HNRNPL: variants seen among roughly 807,000 people sequenced by gnomAD.
The protein encoded by HNRNPL is heterogeneous nuclear ribonucleoprotein L, also known as epididymis secretory sperm binding protein.
HNRNPL carries 12 observed loss-of-function variants against 64.0 expected under a neutral mutation model. That is an observed-to-expected ratio of 0.19 (90% CI 0.12 to 0.30). The LOEUF is 0.30. Ranked by LOEUF, HNRNPL falls within the 10% of genes least tolerant of loss-of-function variation. HNRNPL has a pLI of 1.00. For missense variants in HNRNPL, 484 were observed against 797.4 expected (o/e 0.61, Z 4.73); for synonymous variants, 385 against 313.0 (o/e 1.23, Z -2.43).
At chr19:38,843,252 C>T (rs1459185164) in intron 6 of HNRNPL, 1 of 153,718 alleles carries the variant, frequency 6.5e-6, no homozygotes, top group Non-Finnish European at 1.4e-5. Flanking sequence ...GCAAACCATT[C>T]TTGACAGACA....
intron 4 of HNRNPL, among the ~76,000 whole-genome samples, chr19:38,844,347 T>C (rs529696611): frequency 2.5e-4 from 38 of 152,276 alleles, no homozygotes; most frequent in African/African-American, 8.9e-4. Flanking sequence ...CCCCGACCCA[T>C]GGCCACCAGC....
At chr19:38,841,874 C>T (rs1286684250) in intron 6 of HNRNPL, 1 of 372,982 alleles carries the variant, frequency 2.7e-6, no homozygotes, top group Non-Finnish European at 5.3e-6. Context: ...CATGTTGTCA[C>T]CTCCTCACAT....
At chr19:38,841,952 G>A (rs956346247) in intron 6 of HNRNPL, 8 of 334,568 alleles carry the variant, frequency 2.4e-5, no homozygotes, top group African/African-American at 1.5e-4. Context: ...CTCCTGGTAT[G>A]AGGTGTGCCA....
intron 6 of HNRNPL, among the ~76,000 whole-genome samples, chr19:38,843,046 C>T (rs1190739890): frequency 6.6e-6 from 1 of 152,130 alleles, no homozygotes; most frequent in Non-Finnish European, 1.5e-5. Flanking sequence ...GATGCAAGGG[C>T]GAGCAAGACA....
chr19:38,845,496 G>A (rs1972263458), intron 4 of HNRNPL, 154 bp downstream of exon 4: 6 of 659,046 alleles, frequency 9.1e-6, no homozygotes, highest in Non-Finnish European at 1.6e-5. Context: ...TCCTTTAACT[G>A]CCTCCCTACT....
At chr19:38,851,359 G>A (rs765389844), upstream of HNRNPL, among the ~76,000 whole-genome samples, 2 of 152,256 alleles carry the variant, frequency 1.3e-5, no homozygotes, top group South Asian at 2.1e-4. Context: ...CGCAGGCAGC[G>A]GGGTCAAACG....
At chr19:38,837,048 GT>G in intron 12 of HNRNPL, 1 of 538,902 alleles carries the variant, frequency 1.9e-6, no homozygotes, top group East Asian at 3.1e-5. Context: ...GGGTGGGCAA[GT>G]TTTACCTGCT....
Position 38,849,916 on chromosome 19 carries a change from C to T in HNRNPL, c.51G>A (p.Glu17=), listed in dbSNP as rs762051892. The T allele has an allele frequency of 3.7e-5, 49 of 1,319,668 alleles. No homozygotes were observed. The highest frequency in any genetic ancestry group is 1.0e-4 in the Admixed American group (5 of 47,786). The allele number at this position is 1,319,668 out of a possible 1,614,324, so 81.7% of individuals were successfully genotyped here. The stretch of plus-strand genomic sequence containing the variant: ...GCTGCTCGTCCGGCTGCTGCCTCTG[C>T]TCCAGCCGCCGACGCCGCTTCTCCG... ...PRAEKRRRRL[E]QRQQPDEQRR... is the part of the protein sequence containing the mutation. The change falls in exon 1 of 13, where the codon GAG becomes GAA. Residue 17 remains glutamate, a synonymous_variant. Coordinates refer to ENST00000221419, the MANE Select transcript of HNRNPL (RefSeq NM_001533.3).
At chr19:38,842,683 T>C (rs959571869) in intron 6 of HNRNPL, among the ~76,000 whole-genome samples, 11 of 152,004 alleles carry the variant, frequency 7.2e-5, no homozygotes, top group Non-Finnish European at 1.5e-4. Flanking sequence ...CGCTGAAGTA[T>C]GGTTCCTGAG....
At chr19:38,841,361 G>A (rs919385936) in intron 6 of HNRNPL, 2 of 349,906 alleles carry the variant, frequency 5.7e-6, no homozygotes, top group African/African-American at 2.1e-5. Context: ...TAAGAAGACT[G>A]AGTTGTTAAC....
Position 38,849,945 on chromosome 19 carries a change from G to T in HNRNPL, c.22C>A (p.Arg8=). Residue 8 remains arginine, a synonymous_variant, in exon 1 of 13, where the codon CGG becomes AGG. Transcript: ENST00000221419. MSRRLLP[R]AEKRRRRLEQ... ...AGCCGCCGACGCCGCTTCTCCGCCC[G>T]GGGCAGCAGCCTCCGCGACATGGCG... is the stretch of plus-strand genomic sequence containing the variant. 1 of 1,354,674 alleles carries T rather than the reference G, an allele frequency of 7.4e-7. No homozygotes were observed. Among genetic ancestry groups the T allele is most frequent in the Non-Finnish European group, 9.6e-7 (1 of 1,040,282 alleles). The allele number at this position is 1,354,674 out of a possible 1,614,324, so 83.9% of individuals were successfully genotyped here.
In HNRNPL at chr19:38,836,650, C is replaced by CA; in HGVS notation, c.*71dup. On this transcript the variant is annotated 3_prime_UTR_variant, in exon 13 of 13. Transcript: ENST00000221419. ...GGAATACAAGATCTTTTGCAAATAA[C>CA]AAAAACAAAAAATGGCATAAAGGAA... The CA allele has an allele frequency of 3.0e-6, 1 of 329,586 alleles. No homozygotes were observed. The allele number at this position is 329,586 out of a possible 1,614,324, so 20.4% of individuals were successfully genotyped here.
chr19:38,847,437 G>A lies in HNRNPL; in HGVS notation c.268-3C>T, dbSNP rs779143127. ...TTGTGCGGGTCATCGTAGTTCTCCT[G>A]AGAAAGGAAGCAAAAACAAGAATTA... is the stretch of plus-strand genomic sequence containing the variant. On this transcript the variant is annotated splice_polypyrimidine_tract_variant and splice_region_variant and intron_variant, in intron 1 of 12. Transcript: ENST00000221419. 8 of 1,481,198 alleles carry A rather than the reference G, an allele frequency of 5.4e-6. No individual in the cohort carries two copies. In the African/African-American group the frequency reaches 1.0e-4, roughly 19 times the overall value. 91.8% of individuals were successfully genotyped at this position (1,481,198 alleles called of 1,614,324 possible). A position where few individuals can be genotyped will look rare whatever the true frequency, so the allele number is the denominator to read the frequency against.
In HNRNPL at chr19:38,836,432, G is replaced by C. The variant is rs1375118002; in HGVS notation, c.*290C>G. ...ACAATTTTATTGAAATGTGCCAAGAGTACATGGGCAGCACAAATGTATGAA... is the reference window on the plus strand; with the variant it reads ...ACAATTTTATTGAAATGTGCCAAGACTACATGGGCAGCACAAATGTATGAA... On this transcript the variant is annotated 3_prime_UTR_variant, in exon 13 of 13. Transcript: ENST00000221419. 3.4e-6 allele frequency: 1 copy of C among 294,812 alleles called. No homozygotes were observed. Among genetic ancestry groups the C allele is most frequent in the Non-Finnish European group, 6.4e-6 (1 of 156,110 alleles). 18.3% of individuals were successfully genotyped at this position (294,812 alleles called of 1,614,324 possible).
In HNRNPL at chr19:38,836,910, C is replaced by T. The variant is rs781394528; in HGVS notation, c.1712-130G>A. The T allele has an allele frequency of 8.6e-5, 54 of 630,128 alleles. 1 individual carries two copies. The highest frequency in any genetic ancestry group is 1.4e-4 in the Admixed American group (5 of 34,490). 39.0% of individuals were successfully genotyped at this position (630,128 alleles called of 1,614,324 possible). ...AGGGGTCTAAGGAGTGACTGCCCAACGTGAGGCTTCAAGATGAGCCAATTA... is the reference window on the plus strand; with the variant it reads ...AGGGGTCTAAGGAGTGACTGCCCAATGTGAGGCTTCAAGATGAGCCAATTA... On this transcript the variant is annotated intron_variant, in intron 12 of 12. Transcript: ENST00000221419.
intron 8 of HNRNPL, 84 bp from the exon 9 acceptor site, chr19:38,839,099 C>T: frequency 1.3e-6 from 2 of 1,550,262 alleles, no homozygotes; most frequent in Non-Finnish European, 1.8e-6. Flanking sequence ...TGATAATAAC[C>T]CCTGCTCTGG....
chr19:38,837,227 G>T, intron 12 of HNRNPL, 157 bp downstream of exon 12: 1 of 636,696 alleles, frequency 1.6e-6, no homozygotes. Context: ...GAGGAGCACA[G>T]GCTGCTCTCC....
chr19:38,842,026 C>T (rs1428562713), intron 6 of HNRNPL: 2 of 249,510 alleles, frequency 8.0e-6, no homozygotes, highest in African/African-American at 4.6e-5. Context: ...CAGCAGGTAA[C>T]TGTGTGCCTC....
Position 38,840,012 on chromosome 19 carries a change from C to G in HNRNPL, c.1233+84G>C. 3 of 1,370,924 alleles carry G rather than the reference C, an allele frequency of 2.2e-6. No individual in the cohort carries two copies. In the South Asian group the frequency reaches 3.6e-5, roughly 17 times the overall value. 84.9% of individuals were successfully genotyped at this position (1,370,924 alleles called of 1,614,324 possible). On this transcript the variant is annotated intron_variant, in intron 8 of 12. Transcript: ENST00000221419. ...GGCGTCTGCCCGCCCAGCGCCACAC[C>G]AGGCTCCCCCCTGGTTCTTTCCCGT...
Sources: gnomAD v4.1 joint callset for allele counts (sites outside exome capture counted in the v4.1 genomes callset) on GRCh38, gnomAD v4.1.1 for gene constraint, MANE v1.5 for transcripts, NCBI Gene and HGNC (gene_info 2026-07-23, HGNC 2026-07-21) for gene names.